The following OTUD7A variants were observed in gnomAD, a reference collection of about 807,000 sequenced individuals.
The protein encoded by OTUD7A is OTU domain-containing protein 7A.
A neutral mutation model predicts 65.7 loss-of-function variants in OTUD7A; 12 were observed. That is an observed-to-expected ratio of 0.18 (90% CI 0.12 to 0.30). The LOEUF (loss-of-function observed/expected upper bound fraction) is 0.30, where lower values mean the gene tolerates loss of function less well. Among genes scored for constraint, OTUD7A ranks in the 10% least tolerant of loss-of-function variants. The pLI is 1.00. For synonymous variants in OTUD7A, 641 were observed against 586.3 expected (o/e 1.09, Z -1.35); for missense variants, 1,148 against 1,304.8 (o/e 0.88, Z 1.85).
chr15:31,550,413 T>C (rs1383972574), intron 5 of OTUD7A, among the ~76,000 whole-genome samples: 2 of 152,174 alleles, frequency 1.3e-5, no homozygotes, highest in Non-Finnish European at 2.9e-5. Flanking sequence ...GTGCAACCTG[T>C]ACACATGCAT....
chr15:31,772,397 G>C (rs1229378667), intron 1 of OTUD7A, among the ~76,000 whole-genome samples: 2 of 145,298 alleles, frequency 1.4e-5, no homozygotes, highest in African/African-American at 5.7e-5. Context: ...CATAATCCCT[G>C]ACAGATAGTT....
intron 4 of OTUD7A, among the ~76,000 whole-genome samples, chr15:31,561,709 T>C (rs956500131): frequency 6.6e-6 from 1 of 152,100 alleles, no homozygotes; most frequent in Non-Finnish European, 1.5e-5. Flanking sequence ...ATGAGAAATA[T>C]ATGCTCCTAA....
intron 1 of OTUD7A, among the ~76,000 whole-genome samples, chr15:31,671,166 C>A (rs1240901142): frequency 1.3e-5 from 2 of 152,172 alleles, no homozygotes; most frequent in African/African-American, 2.4e-5. Context: ...TCCTAGATGG[C>A]ATTGCCTAGA....
At chr15:31,743,459 G>A (rs982961182) in intron 1 of OTUD7A, among the ~76,000 whole-genome samples, 4 of 152,104 alleles carry the variant, frequency 2.6e-5, no homozygotes, top group Non-Finnish European at 5.9e-5. Flanking sequence ...TGTGCTTCCA[G>A]TGAAAGTTAT....
rs2041090638 is a variant in OTUD7A at position 31,479,881 on chromosome 15, G to C, written c.*3413C>G. 1 of 152,112 alleles carries C rather than the reference G, an allele frequency of 6.6e-6. No homozygotes were observed. The highest frequency in any genetic ancestry group is 1.5e-5 in the Non-Finnish European group (1 of 68,024). The allele number at this position is 152,112 out of a possible 1,614,324, so 9.4% of individuals were successfully genotyped here. ...ATTCAAATGCCACTGGGTGGTAATA[G>C]GTATGAAAAGGTCCACAGTAATTTA... On this transcript the variant is annotated 3_prime_UTR_variant, in exon 13 of 13. Coordinates refer to ENST00000307050, the MANE Select transcript of OTUD7A (RefSeq NM_001382637.1).
At chr15:31,832,830 T>A (rs1394580981) in intron 1 of OTUD7A, among the ~76,000 whole-genome samples, 1 of 152,262 alleles carries the variant, frequency 6.6e-6, no homozygotes, top group Non-Finnish European at 1.5e-5. Context: ...TGCCAGATTT[T>A]GCTTATCCAT....
chr15:31,478,617 G>C lies in OTUD7A; in HGVS notation c.*4677C>G, dbSNP rs1020510222. 6.6e-6 allele frequency: 1 copy of C among 152,226 alleles called. No homozygotes were observed. Among genetic ancestry groups the C allele is most frequent in the African/African-American group, 2.4e-5 (1 of 41,448 alleles). The allele number at this position is 152,226 out of a possible 1,614,324, so 9.4% of individuals were successfully genotyped here. A position where few individuals can be genotyped will look rare whatever the true frequency, so the allele number is the denominator to read the frequency against. On this transcript the variant is annotated 3_prime_UTR_variant, in exon 13 of 13. Transcript: ENST00000307050. ...GGGGCCAAGTTCTTCATACTGCACA[G>C]ACTGCACATAACTGTTGTTCCCAAG...
intron 3 of OTUD7A, among the ~76,000 whole-genome samples, chr15:31,572,881 TA>T (rs1889093766): frequency 6.6e-6 from 1 of 151,648 alleles, no homozygotes; most frequent in African/African-American, 2.4e-5. Flanking sequence ...AAATGTTAGA[TA>T]CCGAGTATAG....
chr15:31,484,108 T>A lies in OTUD7A; in HGVS notation c.1988A>T (p.Tyr663Phe). The A allele has an allele frequency of 2.5e-6, 4 of 1,605,584 alleles. No homozygotes were observed. Among genetic ancestry groups the A allele is most frequent in the Non-Finnish European group, 3.4e-6 (4 of 1,179,296 alleles). Reference protein sequence around the residue: ...RHQFHEEMIGYYLTSAQERFS... With the variant: ...RHQFHEEMIGFYLTSAQERFS... ...GCGCTCCTGCGCGCTCGTCAGGTAG[T>A]AGCCGATCATCTCCTCGTGGAACTG... Residue 663 changes from tyrosine (Y) to phenylalanine (F), a missense_variant, in exon 13 of 13, where the codon TAC (tyrosine) becomes TTC (phenylalanine). Physicochemically the swap from Tyr to Phe is conservative, Grantham distance 22 (BLOSUM62 3). Transcript: ENST00000307050. The surrounding 1 kb of genome is among the most constrained non-coding windows in gnomAD (Gnocchi z 4.5).
chr15:31,838,895 A>G (rs1051922808), intron 1 of OTUD7A, among the ~76,000 whole-genome samples: 1 of 152,228 alleles, frequency 6.6e-6, no homozygotes, highest in Non-Finnish European at 1.5e-5. Flanking sequence ...CAACAGTCAG[A>G]GAGACCTTTG....
At position 31,696,156 on chromosome 15, in the gene OTUD7A, AG is replaced by A. The variant is rs1182487955; in HGVS notation, c.-99-39080del. 2.1e-5 allele frequency among the ~76,000 whole-genome samples: 3 copies of A among 144,470 alleles called. No homozygotes were observed. The East Asian group carries it at 7.1e-4, about 34-fold the overall frequency. 94.8% of individuals were successfully genotyped at this position (144,470 alleles called of 152,430 possible). Reference sequence around the variant, plus strand: ...AGGGCACAGGGTTGAGGGGGGCACAAGGGGCTGGGGGTGGACAGGCAGAATG... The same window carrying A: ...AGGGCACAGGGTTGAGGGGGGCACAAGGGCTGGGGGTGGACAGGCAGAATG... On this transcript the variant is annotated intron_variant, in intron 1 of 12. Transcript: ENST00000307050.
intron 4 of OTUD7A, among the ~76,000 whole-genome samples, chr15:31,560,858 C>T (rs754628944): frequency 5.3e-5 from 8 of 152,230 alleles, no homozygotes; most frequent in South Asian, 2.1e-4. Context: ...CACGGTCACA[C>T]GGAAAACCCA....
chr15:31,535,197 C>G (rs186513173), intron 5 of OTUD7A, among the ~76,000 whole-genome samples: 1 of 152,290 alleles, frequency 6.6e-6, no homozygotes, highest in East Asian at 1.9e-4. Context: ...AAGGGAAGGA[C>G]CTGGTGGTAG....
chr15:31,811,415 CTGTG>C (rs1046552375), intron 1 of OTUD7A, among the ~76,000 whole-genome samples: 2 of 150,996 alleles, frequency 1.3e-5, no homozygotes, highest in African/African-American at 4.9e-5. Flanking sequence ...TGGGCTGTGT[CTGTG>C]TGTGTGGTAT....
chr15:31,708,300 G>A (rs1335311885), intron 1 of OTUD7A, among the ~76,000 whole-genome samples: 1 of 152,152 alleles, frequency 6.6e-6, no homozygotes, highest in African/African-American at 2.4e-5. Context: ...GAAAAAAGAT[G>A]AATCAGCAGA....
chr15:31,802,618 C>G (rs1896164394), intron 1 of OTUD7A, among the ~76,000 whole-genome samples: 1 of 152,152 alleles, frequency 6.6e-6, no homozygotes, highest in Admixed American at 6.5e-5. Flanking sequence ...TAAGTAACTA[C>G]TTATGGAGTC....
At chr15:31,546,136 C>T (rs1888123662) in intron 5 of OTUD7A, among the ~76,000 whole-genome samples, 1 of 152,100 alleles carries the variant, frequency 6.6e-6, no homozygotes, top group South Asian at 2.1e-4. Flanking sequence ...ACAAGGAACT[C>T]GAACATCTGA....
chr15:31,736,298 C>T (rs550017178), intron 1 of OTUD7A, among the ~76,000 whole-genome samples: 4 of 152,056 alleles, frequency 2.6e-5, no homozygotes, highest in South Asian at 2.1e-4. Context: ...GGTAACTCCA[C>T]CCCCCCAAAA....
chr15:31,810,672 C>G (rs1325602734), intron 1 of OTUD7A, among the ~76,000 whole-genome samples: 1 of 152,194 alleles, frequency 6.6e-6, no homozygotes, highest in East Asian at 1.9e-4. Context: ...TTTTGTATGG[C>G]AGTCCAAGCA....
Sources: gnomAD v4.1 joint callset for allele counts (sites outside exome capture counted in the v4.1 genomes callset) on GRCh38, gnomAD v4.1.1 for gene constraint, Gnocchi (gnomAD v3.1) non-coding constraint, MANE v1.5 for transcripts, NCBI Gene and HGNC (gene_info 2026-07-23, HGNC 2026-07-21) for gene names.